Variants in TNKS observed in about 807,000 individuals in gnomAD.
TNKS encodes the protein tankyrase, also known as poly [ADP-ribose] polymerase tankyrase-1.
A neutral mutation model predicts 135.8 loss-of-function variants in TNKS; 72 were observed. The ratio of observed to expected loss-of-function variants is 0.53; its 90% CI spans 0.44 to 0.64. The LOEUF (loss-of-function observed/expected upper bound fraction) is 0.64. TNKS is among the 30% of genes least tolerant of loss of function. The pLI is 0.00. For missense variants in TNKS, 1,769 were observed against 1,674.0 expected (o/e 1.06, Z -0.99); for synonymous variants, 849 against 649.3 (o/e 1.31, Z -4.68).
At chr8:9,771,481 G>T (rs1480626150) in intron 26 of TNKS, among the ~76,000 whole-genome samples, 5 of 136,484 alleles carry the variant, frequency 3.7e-5, no homozygotes, top group African/African-American at 1.4e-4. Context: ...GAAGAAGGAA[G>T]GGGGAAAGAG....
chr8:9,616,866 A>G (rs994542460), intron 3 of TNKS, among the ~76,000 whole-genome samples: 6 of 152,196 alleles, frequency 3.9e-5, no homozygotes, highest in African/African-American at 1.4e-4. Flanking sequence ...TAAAATACAT[A>G]GCCTCGGGCC....
chr8:9,698,009 A>G (rs1234004297), intron 5 of TNKS, among the ~76,000 whole-genome samples: 2 of 152,206 alleles, frequency 1.3e-5, no homozygotes, highest in South Asian at 4.1e-4. Flanking sequence ...CTAGGTGCCT[A>G]TCAGTGGTGG....
At chr8:9,662,691 C>T (rs1202949369) in intron 3 of TNKS, among the ~76,000 whole-genome samples, 2 of 152,128 alleles carry the variant, frequency 1.3e-5, no homozygotes, top group East Asian at 3.9e-4. Flanking sequence ...CATATGTATA[C>T]ATATGTAACA....
intron 2 of TNKS, among the ~76,000 whole-genome samples, chr8:9,598,765 GTATATATATA>G (rs71201956): frequency 0.052 from 2,518 of 48,886 alleles, 97 homozygotes; most frequent in Middle Eastern, 0.12. Context: ...ATGTGTGTGT[GTATATATATA>G]TATATATATA....
At chr8:9,771,870 G>A (rs560052646) in intron 26 of TNKS, among the ~76,000 whole-genome samples, 9 of 70,068 alleles carry the variant, frequency 1.3e-4, no homozygotes, top group African/African-American at 5.0e-4. Flanking sequence ...GCTAGAGAGC[G>A]GAACGGAGGG....
chr8:9,678,206 T>C (rs1472726652), intron 3 of TNKS, among the ~76,000 whole-genome samples: 1 of 152,234 alleles, frequency 6.6e-6, no homozygotes, highest in Non-Finnish European at 1.5e-5. Context: ...TATAGATACA[T>C]TGCGTAATTT....
intron 1 of TNKS, among the ~76,000 whole-genome samples, chr8:9,573,694 T>G (rs1413151758): frequency 6.6e-6 from 1 of 152,186 alleles, no homozygotes. Context: ...AGATGTAATA[T>G]AAATGTTCTC....
At chr8:9,562,865 T>G (rs1278339873) in intron 1 of TNKS, among the ~76,000 whole-genome samples, 2 of 152,020 alleles carry the variant, frequency 1.3e-5, no homozygotes, top group African/African-American at 4.8e-5. Flanking sequence ...TCTCTTCCAT[T>G]AAAGACCAGA....
rs1321215490 is a variant in TNKS, at chr8:9,637,642, G to T, written c.994+21965G>T. On this transcript the variant is annotated intron_variant, in intron 3 of 26. Coordinates refer to ENST00000310430, the MANE Select transcript of TNKS (RefSeq NM_003747.3). ...GGACAGTATCCTTTTCTCCAGGAGA[G>T]CAACAAATTTTGTGAATTTGTTTAC... is the stretch of plus-strand genomic sequence containing the variant. Among the ~76,000 whole-genome samples, 4 of 152,092 alleles carry T rather than the reference G, an allele frequency of 2.6e-5. No individual in the cohort carries two copies. The East Asian group carries it at 7.7e-4, about 29-fold the overall frequency.
rs576959995 is a variant in TNKS, at chr8:9,780,375, T to C, written c.*3639T>C. 7.5e-4 allele frequency: 115 copies of C among 152,344 alleles called. No homozygotes were observed. Among genetic ancestry groups the C allele is most frequent in the African/African-American group, 2.7e-3 (113 of 41,586 alleles). The allele number at this position is 152,344 out of a possible 1,614,324, so 9.4% of individuals were successfully genotyped here. On this transcript the variant is annotated 3_prime_UTR_variant, in exon 27 of 27. Coordinates refer to ENST00000310430, the MANE Select transcript of TNKS (RefSeq NM_003747.3). ...GGACTAATTGTCTCACGTAAAGCTA[T>C]AGACCTTACTAATTTGGCAGGTATT...
At chr8:9,771,324 A>G (rs1266491444) in intron 26 of TNKS, among the ~76,000 whole-genome samples, 8 of 114,424 alleles carry the variant, frequency 7.0e-5, no homozygotes, top group African/African-American at 2.7e-4. Flanking sequence ...GAGAGAAGAA[A>G]GGAGGGAGAG....
intron 2 of TNKS, among the ~76,000 whole-genome samples, chr8:9,610,623 G>T (rs1799425779): frequency 1.3e-5 from 2 of 151,962 alleles, no homozygotes; most frequent in Non-Finnish European, 2.9e-5. Context: ...CAACGAACTT[G>T]GTCCTTTATG....
At chr8:9,734,790 A>C (rs1255950156) in intron 15 of TNKS, 75 bp from the exon 16 acceptor site, 3 of 1,287,230 alleles carry the variant, frequency 2.3e-6, no homozygotes, top group Non-Finnish European at 3.2e-6. Context: ...AGGTAGAGTA[A>C]ATTAATTACC....
chr8:9,662,573 C>T (rs2128788473), intron 3 of TNKS, among the ~76,000 whole-genome samples: 1 of 152,136 alleles, frequency 6.6e-6, no homozygotes, highest in African/African-American at 2.4e-5. Context: ...GGAAGGGGAA[C>T]ATCACACACC....
intron 3 of TNKS, among the ~76,000 whole-genome samples, chr8:9,656,580 A>G (rs1356261896): frequency 1.3e-5 from 2 of 151,914 alleles, no homozygotes; most frequent in Non-Finnish European, 2.9e-5. Flanking sequence ...AGTGGGGGCC[A>G]ATATTCAACA....
chr8:9,678,750 C>G (rs553513149), intron 3 of TNKS, among the ~76,000 whole-genome samples: 1 of 152,034 alleles, frequency 6.6e-6, no homozygotes, highest in Non-Finnish European at 1.5e-5. Context: ...AAACAAAATG[C>G]GAAGTCCATA....
chr8:9,563,153 T>C (rs975940387), intron 1 of TNKS, among the ~76,000 whole-genome samples: 7 of 152,158 alleles, frequency 4.6e-5, no homozygotes, highest in Non-Finnish European at 8.8e-5. Flanking sequence ...CGCCATGTTA[T>C]GCAGCCATCA....
At chr8:9,562,781 G>T (rs1375567335) in intron 1 of TNKS, among the ~76,000 whole-genome samples, 1 of 151,452 alleles carries the variant, frequency 6.6e-6, no homozygotes, top group Non-Finnish European at 1.5e-5. Context: ...TAATGTTGAA[G>T]GTCTGATGAG....
Position 9,717,097 on chromosome 8 carries a change from ATATATT to A in TNKS, c.1750-3275_1750-3270del, listed in dbSNP as rs1438730433. On this transcript the variant is annotated intron_variant, in intron 11 of 26. Transcript: ENST00000310430. ...AATATATATATATATATATATATAT[ATATATT>A]TTCAGGGAATTTGATTGTTTCTTTT... is the stretch of plus-strand genomic sequence containing the variant. Among the ~76,000 whole-genome samples, 11 of 130,374 alleles carry A rather than the reference ATATATT, an allele frequency of 8.4e-5. 1 individual carries two copies. The highest frequency in any genetic ancestry group is 5.1e-4 in the South Asian group (2 of 3,924). 85.5% of individuals were successfully genotyped at this position (130,374 alleles called of 152,430 possible).
Sources: allele counts gnomAD v4.1 joint callset (sites outside exome capture counted in the v4.1 genomes callset), GRCh38; gene constraint gnomAD v4.1.1; transcripts MANE v1.5; gene names NCBI Gene and HGNC (gene_info 2026-07-23, HGNC 2026-07-21).